LUM: variants seen among roughly 807,000 people sequenced by gnomAD.
The protein encoded by LUM is KSPG lumican.
Under a neutral mutation model 20.5 loss-of-function variants are expected in LUM, and 13 were observed. That is an observed-to-expected ratio of 0.63 (90% CI 0.41 to 1.01). The LOEUF (loss-of-function observed/expected upper bound fraction) is 1.01, where lower values mean the gene tolerates loss of function less well. LUM is among the 50% of genes least tolerant of loss of function. The probability of loss-of-function intolerance (pLI) is 0.00; values close to 1 mark genes in which losing one functional copy is unlikely to be tolerated. For missense variants in LUM, 321 were observed against 391.1 expected, an observed-to-expected ratio of 0.82 and a Z score of 1.51; for synonymous variants, 173 against 151.5, an observed-to-expected ratio of 1.14 and a Z score of -1.04.
intron 1 of LUM, among the ~76,000 whole-genome samples, chr12:91,109,709 T>C (rs972188557): frequency 6.6e-6 from 1 of 152,222 alleles, no homozygotes; most frequent in African/African-American, 2.4e-5. Context: ...TAATTGCTAA[T>C]GTTTATCAGG....
At position 91,102,654 on chromosome 12, in the gene LUM, G is replaced by C. The variant is rs566255878; in HGVS notation, c.*1511C>G. ...TTCATCTACATTATAGTTTTATCGA[G>C]AAAAAGTAGATTTCAAGTTTAAACC... is the stretch of plus-strand genomic sequence containing the variant. On this transcript the variant is annotated 3_prime_UTR_variant, in exon 3 of 3. Coordinates refer to ENST00000266718, the MANE Select transcript of LUM (RefSeq NM_002345.4). 2.6e-5 allele frequency: 4 copies of C among 152,024 alleles called. No homozygotes were observed. The highest frequency in any genetic ancestry group is 9.7e-5 in the African/African-American group (4 of 41,434). 9.4% of individuals were successfully genotyped at this position (152,024 alleles called of 1,614,324 possible). A position where few individuals can be genotyped will look rare whatever the true frequency, so the allele number is the denominator to read the frequency against.
rs375040780 is a variant in LUM at position 91,110,628 on chromosome 12, A to G, written c.-22+770T>C. On this transcript the variant is annotated intron_variant, in intron 1 of 2. Transcript: ENST00000266718. ...AGCTATTTTAAATTTACTATACACC[A>G]AAATATGGCAACTATAATGTGAGTA... Among the ~76,000 whole-genome samples, 15 of 152,316 alleles carry G rather than the reference A, an allele frequency of 9.8e-5. No individual in the cohort carries two copies. In the South Asian group the frequency reaches 2.3e-3, roughly 23 times the overall value.
rs762391190 is a variant in LUM, at chr12:91,108,972, A to C, written c.8T>G (p.Leu3Arg). 3 of 1,612,398 alleles carry C rather than the reference A, an allele frequency of 1.9e-6. No homozygotes were observed. In the Admixed American group the frequency reaches 5.0e-5, roughly 27 times the overall value. Residue 3 changes from leucine (L) to arginine (R), a missense_variant, in exon 2 of 3, where the codon CTA becomes CGA. Physicochemically the swap from Leu to Arg is moderately radical, Grantham distance 102. Transcript: ENST00000266718. The surrounding 1 kb of genome is among the most constrained non-coding windows in gnomAD (Gnocchi z 4.2). ...TGCCAGGAAGAGAGTAAATGCACTTAGACTCATTTTTGGCAAATGGTTTGA... is the reference window on the plus strand; with the variant it reads ...TGCCAGGAAGAGAGTAAATGCACTTCGACTCATTTTTGGCAAATGGTTTGA... MS[L>R]SAFTLFLALI...
chr12:91,110,947 CTCA>C (rs1176237404), intron 1 of LUM, among the ~76,000 whole-genome samples: 3 of 152,088 alleles, frequency 2.0e-5, no homozygotes, highest in Admixed American at 2.0e-4. Context: ...AATCTTTTAG[CTCA>C]TGTTTTATAA....
At chr12:91,104,817 A>G (rs1297857124) in intron 2 of LUM, among the ~76,000 whole-genome samples, 3 of 152,206 alleles carry the variant, frequency 2.0e-5, no homozygotes, top group Non-Finnish European at 4.4e-5. Context: ...AAACCAAATC[A>G]TTCCAGCAAT....
chr12:91,108,745 C>A lies in LUM; in HGVS notation c.235G>T (p.Asp79Tyr). The change falls in exon 2 of 3, where the codon GAC becomes TAC. Residue 79 changes from aspartate (D) to tyrosine (Y), a missense_variant. Asp to Tyr is a radical substitution (Grantham distance 160). Coordinates refer to ENST00000266718, the MANE Select transcript of LUM (RefSeq NM_002345.4). The surrounding 1 kb of genome is among the most constrained non-coding windows in gnomAD (Gnocchi z 4.2). ...KYLYLRNNQI[D>Y]HIDEKAFENV... is the part of the protein sequence containing the mutation. ...TCAAAGGCCTTTTCATCAATATGGT[C>A]AATCTGGTTATTCCTAAGGTAAAGA... 6.2e-7 allele frequency: 1 copy of A among 1,614,036 alleles called. No homozygotes were observed. The highest frequency in any genetic ancestry group is 8.5e-7 in the Non-Finnish European group (1 of 1,180,002).
At position 91,103,082 on chromosome 12, in the gene LUM, A is replaced by T. The variant is rs1879944087; in HGVS notation, c.*1083T>A. The stretch of plus-strand genomic sequence containing the variant: ...TATAGAATTGTATATACTCATAGAA[A>T]GCTGAAAGCTGTTATTACTGGATTA... On this transcript the variant is annotated 3_prime_UTR_variant, in exon 3 of 3. Transcript: ENST00000266718. 6.6e-6 allele frequency: 1 copy of T among 152,262 alleles called. No homozygotes were observed. The highest frequency in any genetic ancestry group is 1.9e-4 in the East Asian group (1 of 5,192). The allele number at this position is 152,262 out of a possible 1,614,324, so 9.4% of individuals were successfully genotyped here. A position where few individuals can be genotyped will look rare whatever the true frequency, so the allele number is the denominator to read the frequency against.
chr12:91,104,243 G>C lies in LUM; in HGVS notation c.939C>G (p.Gly313=). The change falls in exon 3 of 3, where the codon GGC becomes GGG. Residue 313 remains glycine, a synonymous_variant. Coordinates refer to ENST00000266718, the MANE Select transcript of LUM (RefSeq NM_002345.4). ...YSKIKHLRLD[G]NRISETSLPP... ...GAAGACTGGTTTCTGAGATGCGATT[G>C]CCATCCAAACGCAAATGCTTGATCT... The C allele has an allele frequency of 6.2e-7, 1 of 1,612,732 alleles. No homozygotes were observed. The highest frequency in any genetic ancestry group is 8.5e-7 in the Non-Finnish European group (1 of 1,179,016).
chr12:91,106,622 T>C (rs942677673), intron 2 of LUM, among the ~76,000 whole-genome samples: 33 of 130,776 alleles, frequency 2.5e-4, no homozygotes, highest in African/African-American at 9.6e-4. Flanking sequence ...AGAGAAAGTG[T>C]GGAAATATCA....
chr12:91,105,161 G>T (rs945262077), intron 2 of LUM, among the ~76,000 whole-genome samples: 1 of 152,068 alleles, frequency 6.6e-6, no homozygotes, highest in Admixed American at 6.6e-5. Flanking sequence ...TAATTCCAGG[G>T]ATTTTTCTAT....
At chr12:91,107,443 C>G (rs568061359) in intron 2 of LUM, among the ~76,000 whole-genome samples, 1 of 151,900 alleles carries the variant, frequency 6.6e-6, no homozygotes, top group Non-Finnish European at 1.5e-5. Context: ...AACTGTGCCA[C>G]TTTTGAACTC....
chr12:91,105,897 A>G (rs941285780), intron 2 of LUM, among the ~76,000 whole-genome samples: 2 of 152,186 alleles, frequency 1.3e-5, no homozygotes, highest in African/African-American at 2.4e-5. Context: ...ACCAAATCTA[A>G]TGTACTCCGT....
chr12:91,104,950 G>C (rs1435030731), intron 2 of LUM, among the ~76,000 whole-genome samples: 3 of 152,146 alleles, frequency 2.0e-5, no homozygotes, highest in Admixed American at 2.0e-4. Context: ...TGCCACAAAT[G>C]AAACACTGAC....
At chr12:91,107,547 G>A (rs1880110180) in intron 2 of LUM, among the ~76,000 whole-genome samples, 1 of 152,022 alleles carries the variant, frequency 6.6e-6, no homozygotes, top group Non-Finnish European at 1.5e-5. Flanking sequence ...TATATATGAG[G>A]AGGTAACACA....
chr12:91,106,654 C>G (rs945394418), intron 2 of LUM, among the ~76,000 whole-genome samples: 5 of 68,438 alleles, frequency 7.3e-5, no homozygotes, highest in Non-Finnish European at 2.8e-5. Context: ...GGATTGTACC[C>G]AAGAAAAAAA....
chr12:91,107,313 GAA>G (rs1334087126), intron 2 of LUM, among the ~76,000 whole-genome samples: 14 of 115,482 alleles, frequency 1.2e-4, no homozygotes, highest in African/African-American at 4.7e-4. Flanking sequence ...AAGAAAGAAA[GAA>G]AGAAAGAAAG....
In LUM at chr12:91,108,293, A is replaced by C; in HGVS notation, c.687T>G (p.Asn229Lys). Reference protein sequence around the residue: ...NIPDEYFKRFNALQYLRLSHN... With the variant: ...NIPDEYFKRFKALQYLRLSHN... The stretch of plus-strand genomic sequence containing the variant: ...GAGATAAACGCAGATACTGCAATGC[A>C]TTAAAACGCTTGAAATACTCATCAG... Residue 229 changes from asparagine to lysine, a missense_variant, in exon 2 of 3, where the codon AAT (asparagine) becomes AAG (lysine). Physicochemically the swap from Asn to Lys is moderately conservative, Grantham distance 94. Coordinates refer to ENST00000266718, the MANE Select transcript of LUM (RefSeq NM_002345.4). This position sits in a 1 kb window ranked among gnomAD's most constrained non-coding sequence, Gnocchi z 4.2. 6.2e-7 allele frequency: 1 copy of C among 1,614,222 alleles called. No homozygotes were observed. Among genetic ancestry groups the C allele is most frequent in the South Asian group, 1.1e-5 (1 of 91,088 alleles).
intron 2 of LUM, among the ~76,000 whole-genome samples, chr12:91,106,710 A>G (rs76994535): frequency 2.0e-5 from 3 of 151,094 alleles, no homozygotes; most frequent in African/African-American, 7.3e-5. Flanking sequence ...AAAAAAAAAA[A>G]AGATGTTAGA....
Position 91,108,071 on chromosome 12 carries a change from T to C in LUM, c.862+47A>G, listed in dbSNP as rs753554928. On this transcript the variant is annotated intron_variant, in intron 2 of 2. Transcript: ENST00000266718. The surrounding 1 kb of genome is among the most constrained non-coding windows in gnomAD (Gnocchi z 4.2). ...TATCTGTGTTGTGCAGCCCAGGTATTTAAACACTTGAGCACACATCAAACA... is the reference window on the plus strand; with the variant it reads ...TATCTGTGTTGTGCAGCCCAGGTATCTAAACACTTGAGCACACATCAAACA... 10 of 1,605,998 alleles carry C rather than the reference T, an allele frequency of 6.2e-6. No homozygotes were observed. Among genetic ancestry groups the C allele is most frequent in the Non-Finnish European group, 8.5e-6 (10 of 1,173,182 alleles).
Sources: gnomAD v4.1 joint callset for allele counts (sites outside exome capture counted in the v4.1 genomes callset) on GRCh38, gnomAD v4.1.1 for gene constraint, Gnocchi (gnomAD v3.1) non-coding constraint, MANE v1.5 for transcripts, NCBI Gene and HGNC (gene_info 2026-07-23, HGNC 2026-07-21) for gene names.